ST3GAL6: variants seen among roughly 807,000 people sequenced by gnomAD.
The protein encoded by ST3GAL6 is ST3 beta-galactoside alpha-2,3-sialyltransferase 6, also known as type 2 lactosamine alpha-2,3-sialyltransferase.
Under a neutral mutation model 40.5 loss-of-function variants are expected in ST3GAL6, and 31 were observed. The observed-to-expected ratio is 0.77, with a 90% CI of 0.58 to 1.03. ST3GAL6 has a LOEUF of 1.03. ST3GAL6 is among the 50% of genes least tolerant of loss of function. ST3GAL6 has a pLI of 0.00. For synonymous variants in ST3GAL6, 129 were observed against 136.9 expected (o/e 0.94, Z 0.40); for missense variants, 357 against 393.2 (o/e 0.91, Z 0.78).
chr3:98,793,458 A>G (rs139394068), intron 9 of ST3GAL6, among the ~76,000 whole-genome samples: 265 of 152,356 alleles, frequency 1.7e-3, no homozygotes, highest in Admixed American at 6.4e-3. Flanking sequence ...CTTATGTGAG[A>G]GTTGAAATGG....
Position 98,779,079 on chromosome 3 carries a change from G to A in ST3GAL6, c.335+5096G>A, listed in dbSNP as rs964175387. ...TTGGAGTGGCCCTGGTTGGGGGATT[G>A]AGTTAGTGGCTCAGTGATGTCAAGG... On this transcript the variant is annotated intron_variant, in intron 5 of 9. Transcript: ENST00000483910. 3.3e-5 allele frequency among the ~76,000 whole-genome samples: 5 copies of A among 152,290 alleles called. No homozygotes were observed. In the South Asian group the frequency reaches 1.0e-3, roughly 32 times the overall value.
At chr3:98,732,989 C>T (rs998274384) in intron 1 of ST3GAL6, 4 of 1,488,444 alleles carry the variant, frequency 2.7e-6, no homozygotes, top group Non-Finnish European at 3.6e-6. Flanking sequence ...CGGCCGGCTT[C>T]GCTGCGGGTT....
At chr3:98,755,816 T>C (rs1224581756) in intron 1 of ST3GAL6, among the ~76,000 whole-genome samples, 1 of 152,270 alleles carries the variant, frequency 6.6e-6, no homozygotes, top group African/African-American at 2.4e-5. Context: ...TTTCATTTTT[T>C]TTTTTTTAGA....
intron 1 of ST3GAL6, among the ~76,000 whole-genome samples, chr3:98,753,100 C>T (rs1259904447): frequency 1.3e-5 from 2 of 152,180 alleles, no homozygotes; most frequent in African/African-American, 4.8e-5. Flanking sequence ...GAAACTATGC[C>T]TCTTGAGATA....
chr3:98,788,349 A>T lies in ST3GAL6; in HGVS notation c.642A>T (p.Lys214Asn). The T allele has an allele frequency of 6.2e-7, 1 of 1,610,764 alleles. No individual in the cohort carries two copies. The highest frequency in any genetic ancestry group is 8.5e-7 in the Non-Finnish European group (1 of 1,179,024). ...AGAACACTAATGGTTTTTGGAAGAA[A>T]CCAGCCTTAAACCTGATTTATAAAC... is the stretch of plus-strand genomic sequence containing the variant. ...DKINTNGFWK[K>N]PALNLIYKPY... The change falls in exon 8 of 10, where the codon AAA becomes AAT. Residue 214 changes from lysine (K) to asparagine (N), a missense_variant. Physicochemically the swap from Lys to Asn is moderately conservative, Grantham distance 94 (BLOSUM62 0). Transcript: ENST00000483910.
chr3:98,778,222 T>C (rs1939735395), intron 5 of ST3GAL6, among the ~76,000 whole-genome samples: 3 of 152,218 alleles, frequency 2.0e-5, no homozygotes, highest in East Asian at 3.8e-4. Context: ...GCCTGCTAAA[T>C]GGACAAGGAT....
intron 1 of ST3GAL6, among the ~76,000 whole-genome samples, chr3:98,767,910 G>GT (rs1231154200): frequency 6.6e-6 from 1 of 152,154 alleles, no homozygotes; most frequent in African/African-American, 2.4e-5. Context: ...TGAGGGAAAT[G>GT]TTTTTTCAGT....
intron 5 of ST3GAL6, among the ~76,000 whole-genome samples, chr3:98,777,125 A>G (rs1576105929): frequency 6.6e-6 from 1 of 151,974 alleles, no homozygotes; most frequent in African/African-American, 2.4e-5. Flanking sequence ...GATCACGCCT[A>G]CCTCCCTGCC....
chr3:98,748,419 G>A (rs1450145365), intron 1 of ST3GAL6, among the ~76,000 whole-genome samples: 1 of 152,134 alleles, frequency 6.6e-6, no homozygotes, highest in East Asian at 1.9e-4. Context: ...AACCTGGAAT[G>A]TAGTAAGTGT....
At position 98,795,321 on chromosome 3, in the gene ST3GAL6, A is replaced by AGATTTG. The variant is rs1466726666; in HGVS notation, c.*1562_*1567dup. On this transcript the variant is annotated 3_prime_UTR_variant, in exon 10 of 10. Transcript: ENST00000483910. ...GGGTGTATAAAGGGTGAAATACATT[A>AGATTTG]GATTTGGCTCAGAAACAGAATGCGG... 1 of 152,228 alleles carries AGATTTG rather than the reference A, an allele frequency of 6.6e-6. No individual in the cohort carries two copies. The highest frequency in any genetic ancestry group is 1.5e-5 in the Non-Finnish European group (1 of 68,042). The allele number at this position is 152,228 out of a possible 1,614,324, so 9.4% of individuals were successfully genotyped here.
At chr3:98,735,413 G>A (rs1163611337) in intron 1 of ST3GAL6, among the ~76,000 whole-genome samples, 1 of 152,150 alleles carries the variant, frequency 6.6e-6, no homozygotes, top group Non-Finnish European at 1.5e-5. Context: ...GGTGGTCTGC[G>A]TACTTTGCCT....
chr3:98,732,669 A>C, intron 1 of ST3GAL6: 1 of 536,984 alleles, frequency 1.9e-6, no homozygotes, highest in Non-Finnish European at 3.1e-6. Flanking sequence ...GCGGAGCAGG[A>C]GGAGCTTCCC....
intron 1 of ST3GAL6, among the ~76,000 whole-genome samples, chr3:98,751,780 A>G (rs2107341210): frequency 6.6e-6 from 1 of 152,348 alleles, no homozygotes; most frequent in East Asian, 1.9e-4. Context: ...GAACTTATGA[A>G]CAATAAGTGA....
chr3:98,765,844 G>C (rs704580), intron 1 of ST3GAL6, among the ~76,000 whole-genome samples: 17,431 of 152,110 alleles, frequency 0.11, 1,185 homozygotes, highest in Middle Eastern at 0.17. Flanking sequence ...CTTAAATTCT[G>C]TTTTTTTCTT....
chr3:98,738,514 G>C (rs955648771), intron 1 of ST3GAL6, among the ~76,000 whole-genome samples: 2 of 152,180 alleles, frequency 1.3e-5, no homozygotes, highest in African/African-American at 4.8e-5. Flanking sequence ...CTGGGCTCAA[G>C]CAATCCTCCT....
At chr3:98,785,507 G>A (rs772110840) in intron 6 of ST3GAL6, among the ~76,000 whole-genome samples, 7 of 152,194 alleles carry the variant, frequency 4.6e-5, no homozygotes, top group Non-Finnish European at 8.8e-5. Flanking sequence ...CAGGCAGAAA[G>A]GATGTTTGCT....
intron 1 of ST3GAL6, among the ~76,000 whole-genome samples, chr3:98,738,103 C>T (rs985732629): frequency 1.5e-5 from 2 of 134,394 alleles, no homozygotes; most frequent in Non-Finnish European, 3.2e-5. Context: ...CCCCCACCCC[C>T]GCCTTTCCTC....
intron 6 of ST3GAL6, among the ~76,000 whole-genome samples, chr3:98,786,592 G>T (rs1940737262): frequency 6.6e-6 from 1 of 152,172 alleles, no homozygotes; most frequent in African/African-American, 2.4e-5. Context: ...ATGTACAGAT[G>T]AAGATGTAGA....
At chr3:98,788,932 C>A (rs1313452838) in intron 8 of ST3GAL6, among the ~76,000 whole-genome samples, 2 of 152,184 alleles carry the variant, frequency 1.3e-5, no homozygotes, top group Non-Finnish European at 2.9e-5. Flanking sequence ...TAAAGTAGTC[C>A]AGAAACATTT....
Sources: gnomAD v4.1 joint callset for allele counts (sites outside exome capture counted in the v4.1 genomes callset) on GRCh38, gnomAD v4.1.1 for gene constraint, MANE v1.5 for transcripts, NCBI Gene and HGNC (gene_info 2026-07-23, HGNC 2026-07-21) for gene names.